The following ZCCHC24 variants were observed in gnomAD, a reference collection of about 807,000 sequenced individuals.
The protein encoded by ZCCHC24 is zinc finger CCHC domain-containing protein 24.
A neutral mutation model predicts 26.2 loss-of-function variants in ZCCHC24; 10 were observed. That is an observed-to-expected ratio of 0.38 (90% CI 0.24 to 0.65). ZCCHC24 has a LOEUF of 0.65. ZCCHC24 is among the 30% of genes least tolerant of loss of function. The probability of loss-of-function intolerance (pLI) is 0.54; values close to 1 mark genes in which losing one functional copy is unlikely to be tolerated. For synonymous variants in ZCCHC24, 144 were observed against 147.1 expected (o/e 0.98, Z 0.15); for missense variants, 243 against 329.1 (o/e 0.74, Z 2.03).
chr10:79,429,720 A>G (rs1252082349), intron 2 of ZCCHC24, among the ~76,000 whole-genome samples: 3 of 152,242 alleles, frequency 2.0e-5, no homozygotes, highest in Non-Finnish European at 2.9e-5. Flanking sequence ...TCAAATGGGA[A>G]TTATATGGGA....
intron 1 of ZCCHC24, among the ~76,000 whole-genome samples, chr10:79,434,513 G>A (rs1047077618): frequency 6.6e-6 from 1 of 152,184 alleles, no homozygotes. Context: ...AGCTCTTACT[G>A]TGACCCCAGC....
chr10:79,394,143 T>G (rs1006993468), intron 3 of ZCCHC24, 133 bp downstream of exon 3: 16 of 1,285,030 alleles, frequency 1.2e-5, no homozygotes, highest in Non-Finnish European at 4.2e-6. Flanking sequence ...TCCCTCCCAT[T>G]TCAGATGAGA....
chr10:79,403,933 G>A (rs73297224), intron 2 of ZCCHC24, among the ~76,000 whole-genome samples: 1 of 151,974 alleles, frequency 6.6e-6, no homozygotes, highest in African/African-American at 2.4e-5. Flanking sequence ...AAAACAAGCG[G>A]GGGACAGAGA....
chr10:79,407,394 T>G (rs1239090893), intron 2 of ZCCHC24, among the ~76,000 whole-genome samples: 1 of 152,232 alleles, frequency 6.6e-6, no homozygotes, highest in Admixed American at 6.5e-5. Context: ...GTCTTTCTGA[T>G]TCCAGATTCC....
chr10:79,408,429 C>T (rs1856746711), intron 2 of ZCCHC24, among the ~76,000 whole-genome samples: 1 of 152,178 alleles, frequency 6.6e-6, no homozygotes, highest in African/African-American at 2.4e-5. Context: ...GCAGGCCAAA[C>T]AACCAGCCAG....
intron 3 of ZCCHC24, among the ~76,000 whole-genome samples, chr10:79,389,893 G>A (rs1403757094): frequency 6.6e-6 from 1 of 152,050 alleles, no homozygotes. Flanking sequence ...TGGGATTACA[G>A]GCATCAGCCA....
intron 2 of ZCCHC24, among the ~76,000 whole-genome samples, chr10:79,410,884 G>C (rs1210432169): frequency 1.3e-5 from 2 of 152,104 alleles, no homozygotes; most frequent in African/African-American, 4.8e-5. Flanking sequence ...GGCTAGCCTT[G>C]GGGGAGGAGA....
chr10:79,425,149 T>C (rs1480241929), intron 2 of ZCCHC24, among the ~76,000 whole-genome samples: 2 of 152,172 alleles, frequency 1.3e-5, no homozygotes, highest in African/African-American at 4.8e-5. Flanking sequence ...TACAGGCAAG[T>C]GCAGCTGGCT....
chr10:79,443,977 G>GT, intron 1 of ZCCHC24: 1 of 1,262,198 alleles, frequency 7.9e-7, no homozygotes, highest in Non-Finnish European at 1.1e-6. Context: ...GCCTCCCCTA[G>GT]TAAATAATGG....
At chr10:79,402,837 C>T (rs368459174) in intron 2 of ZCCHC24, among the ~76,000 whole-genome samples, 1 of 152,172 alleles carries the variant, frequency 6.6e-6, no homozygotes, top group Non-Finnish European at 1.5e-5. Flanking sequence ...CTCCGTGAGA[C>T]GGTTGAGAGA....
At chr10:79,399,412 G>A (rs534367718) in intron 2 of ZCCHC24, among the ~76,000 whole-genome samples, 55 of 152,330 alleles carry the variant, frequency 3.6e-4, no homozygotes, top group African/African-American at 7.0e-4. Context: ...CCACCCGCCC[G>A]GCTGGGAAGG....
chr10:79,426,687 G>T (rs917080065), intron 2 of ZCCHC24, among the ~76,000 whole-genome samples: 1 of 151,480 alleles, frequency 6.6e-6, no homozygotes, highest in African/African-American at 2.4e-5. Flanking sequence ...AAAACATAGT[G>T]AAAAAAAATC....
intron 2 of ZCCHC24, among the ~76,000 whole-genome samples, chr10:79,412,264 C>T (rs954971579): frequency 2.0e-5 from 3 of 152,244 alleles, no homozygotes; most frequent in African/African-American, 7.2e-5. Flanking sequence ...ACCCATGGCT[C>T]CAGAACCCCA....
intron 3 of ZCCHC24, among the ~76,000 whole-genome samples, chr10:79,390,237 A>G (rs1856460864): frequency 6.6e-6 from 1 of 152,198 alleles, no homozygotes; most frequent in South Asian, 2.1e-4. Flanking sequence ...TTGCTGTGTG[A>G]CCTTTAGCAA....
At chr10:79,401,703 C>T (rs936861385) in intron 2 of ZCCHC24, among the ~76,000 whole-genome samples, 9 of 152,228 alleles carry the variant, frequency 5.9e-5, no homozygotes, top group African/African-American at 2.2e-4. Flanking sequence ...GGGTCACTGG[C>T]CTCCCAGGAG....
intron 1 of ZCCHC24, among the ~76,000 whole-genome samples, chr10:79,439,791 T>C (rs374398251): frequency 1.4e-5 from 1 of 71,614 alleles, no homozygotes; most frequent in African/African-American, 7.5e-5. Context: ...CCAGACTCCA[T>C]CAAAAAAAAA....
At chr10:79,438,309 G>A (rs1857244796) in intron 1 of ZCCHC24, among the ~76,000 whole-genome samples, 3 of 152,172 alleles carry the variant, frequency 2.0e-5, no homozygotes, top group Admixed American at 1.3e-4. Context: ...GCTCCCAAGG[G>A]GATCTGTACT....
intron 2 of ZCCHC24, among the ~76,000 whole-genome samples, chr10:79,422,091 T>C (rs189949095): frequency 6.6e-6 from 1 of 151,994 alleles, no homozygotes; most frequent in Admixed American, 6.6e-5. Context: ...GAGGTGGATA[T>C]GTGTGAGGCT....
chr10:79,426,246 C>T (rs1857025868), intron 2 of ZCCHC24, among the ~76,000 whole-genome samples: 1 of 152,198 alleles, frequency 6.6e-6, no homozygotes, highest in African/African-American at 2.4e-5. Context: ...TCCTCAGACC[C>T]CGGGGGCTCC....
Sources: gnomAD v4.1 joint callset for allele counts (sites outside exome capture counted in the v4.1 genomes callset) on GRCh38, gnomAD v4.1.1 for gene constraint, MANE v1.5 for transcripts, NCBI Gene and HGNC (gene_info 2026-07-23, HGNC 2026-07-21) for gene names.